TBL1X: variants seen among roughly 807,000 people sequenced by gnomAD.
TBL1X encodes transducin beta like 1 X-linked.
Under a neutral mutation model 50.7 loss-of-function variants are expected in TBL1X, and 10 were observed. That is an observed-to-expected ratio of 0.20 (90% CI 0.12 to 0.33). The LOEUF is 0.33. Ranked by LOEUF, TBL1X falls within the 10% of genes least tolerant of loss-of-function variation. The pLI is 1.00. For missense variants in TBL1X, 340 were observed against 504.4 expected (o/e 0.67, Z 3.12); for synonymous variants, 190 against 214.7 (o/e 0.88, Z 1.01).
intron 2 of TBL1X, among the ~76,000 whole-genome samples, chrX:9,559,636 TA>T (rs752270789): frequency 2.3e-4 from 26 of 111,647 alleles, no homozygotes; most frequent in Non-Finnish European, 4.1e-4. Flanking sequence ...TTTACTGGAA[TA>T]AAAAAAATTA....
rs895511776 is a variant in TBL1X at position 9,570,436 on chromosome X, A to T, written c.-131+68587A>T. Among the ~76,000 whole-genome samples the T allele has an allele frequency of 6.3e-5, 7 of 111,333 alleles. No homozygotes were observed. In the Admixed American group the frequency reaches 6.7e-4, roughly 11 times the overall value. ...TGAAAATCCAGTGAATTTCTTTATG[A>T]TGGAATTTGAATCACGTGGACATTC... On this transcript the variant is annotated intron_variant, in intron 2 of 17. Coordinates refer to ENST00000645353, the MANE Select transcript of TBL1X (RefSeq NM_005647.4).
chrX:9,689,336 G>A (rs749598461), intron 7 of TBL1X, among the ~76,000 whole-genome samples: 14 of 112,360 alleles, frequency 1.2e-4, no homozygotes, highest in African/African-American at 4.5e-4. Flanking sequence ...CCTGTGACAA[G>A]TTACCATCCA....
intron 5 of TBL1X, among the ~76,000 whole-genome samples, chrX:9,664,491 G>A (rs1423532407): frequency 1.8e-5 from 2 of 111,028 alleles, no homozygotes; most frequent in African/African-American, 6.6e-5. Context: ...GAAGCAAACA[G>A]CATTTGTCAT....
At chrX:9,589,521 G>A (rs1454072557) in intron 2 of TBL1X, among the ~76,000 whole-genome samples, 1 of 111,312 alleles carries the variant, frequency 9.0e-6, no homozygotes, top group African/African-American at 3.3e-5. Flanking sequence ...CCTTCCGATC[G>A]GAGTTTGCTG....
Position 9,693,095 on chromosome X carries a change from G to T in TBL1X, c.892-54G>T, listed in dbSNP as rs1165467057. The T allele has an allele frequency of 2.5e-6, 3 of 1,188,244 alleles. No homozygotes were observed. The South Asian group carries it at 5.3e-5, about 21-fold the overall frequency. ...CGGAGAGGCTCTCCGAGCTGCTTCG[G>T]TGCTGCCGCTCCTAAGTTGTTTTTG... is the stretch of plus-strand genomic sequence containing the variant. On this transcript the variant is annotated intron_variant, in intron 9 of 17. Transcript: ENST00000645353.
At chrX:9,698,364 T>C (rs748740926) in intron 12 of TBL1X, among the ~76,000 whole-genome samples, 12 of 111,234 alleles carry the variant, frequency 1.1e-4, no homozygotes, top group Non-Finnish European at 2.3e-4. Flanking sequence ...GGACTCAACA[T>C]ACTCACAGCT....
chrX:9,673,130 T>TG (rs1162873016), intron 5 of TBL1X, among the ~76,000 whole-genome samples: 2 of 112,513 alleles, frequency 1.8e-5, no homozygotes, highest in Non-Finnish European at 3.8e-5. Context: ...GCCATCCCCT[T>TG]GGGGGTTAGA....
At chrX:9,466,017 C>G (rs1237292361) in intron 1 of TBL1X, among the ~76,000 whole-genome samples, 5 of 113,096 alleles carry the variant, frequency 4.4e-5, no homozygotes, top group Non-Finnish European at 9.4e-5. Flanking sequence ...CAGTTTCTGA[C>G]GCGCAGAAAC....
chrX:9,519,313 C>T (rs1242779764), intron 2 of TBL1X, among the ~76,000 whole-genome samples: 1 of 111,286 alleles, frequency 9.0e-6, no homozygotes, highest in East Asian at 2.8e-4. Flanking sequence ...GTGGTGCAGT[C>T]GTAGCTCACT....
intron 2 of TBL1X, among the ~76,000 whole-genome samples, chrX:9,629,344 G>A (rs1324885015): frequency 8.9e-6 from 1 of 112,398 alleles, no homozygotes; most frequent in Non-Finnish European, 1.9e-5. Flanking sequence ...TACGATGGCT[G>A]CAAAGTCCAA....
chrX:9,672,068 A>C (rs2082963387), intron 5 of TBL1X, among the ~76,000 whole-genome samples: 1 of 112,711 alleles, frequency 8.9e-6, no homozygotes, highest in Admixed American at 9.3e-5. Context: ...GAGTATTTAT[A>C]AATTACAGTT....
rs1348646781 is a variant in TBL1X at position 9,660,969 on chromosome X, A to G, written c.211+6647A>G. Among the ~76,000 whole-genome samples, 3 of 112,176 alleles carry G rather than the reference A, an allele frequency of 2.7e-5. No homozygotes were observed. In the East Asian group the frequency reaches 8.5e-4, roughly 32 times the overall value. On this transcript the variant is annotated intron_variant, in intron 5 of 17. Transcript: ENST00000645353. The stretch of plus-strand genomic sequence containing the variant: ...GGAGAGCTCCTTTGCCCCTTCTACC[A>G]TGTGGGAACACGGTGAGAAGGCACC...
At position 9,719,182 on chromosome X, in the gene TBL1X, C is replaced by T. The variant is rs138514424; in HGVS notation, c.*2936C>T. The T allele has an allele frequency of 1.3e-4, 15 of 112,082 alleles. No individual in the cohort carries two copies. Among genetic ancestry groups the T allele is most frequent in the African/African-American group, 4.5e-4 (14 of 30,810 alleles). 9.2% of individuals were successfully genotyped at this position (112,082 alleles called of 1,213,427 possible). A position where few individuals can be genotyped will look rare whatever the true frequency, so the allele number is the denominator to read the frequency against. On this transcript the variant is annotated 3_prime_UTR_variant, in exon 18 of 18. Transcript: ENST00000645353. ...AGTGTTTGGTCGGGTTCACAGTGAC[C>T]GAGAGTCAGGTCCAGCACACACCTG...
At chrX:9,564,237 C>T (rs191212049) in intron 2 of TBL1X, among the ~76,000 whole-genome samples, 137 of 110,924 alleles carry the variant, frequency 1.2e-3, no homozygotes, top group African/African-American at 4.4e-3. Flanking sequence ...CTGGCCAACA[C>T]GGTGAAACCT....
At chrX:9,692,292 TA>T in intron 9 of TBL1X, 38 bp downstream of exon 9, 2 of 1,146,193 alleles carry the variant, frequency 1.7e-6, no homozygotes, top group Non-Finnish European at 2.3e-6. Context: ...TTGAAATTGG[TA>T]AAATCGGCCA....
intron 2 of TBL1X, among the ~76,000 whole-genome samples, chrX:9,526,438 G>C (rs1294976651): frequency 8.9e-6 from 1 of 112,043 alleles, no homozygotes; most frequent in African/African-American, 3.2e-5. Context: ...AGTTGAGAGA[G>C]ATGTTGATGA....
Position 9,501,819 on chromosome X carries a change from G to C in TBL1X, c.-161G>C, listed in dbSNP as rs765722107. 6.3e-5 allele frequency: 7 copies of C among 111,144 alleles called. No homozygotes were observed. The highest frequency in any genetic ancestry group is 1.3e-4 in the Non-Finnish European group (7 of 52,927). The allele number at this position is 111,144 out of a possible 1,213,427, so 9.2% of individuals were successfully genotyped here. On this transcript the variant is annotated 5_prime_UTR_variant, in exon 2 of 18. The change abolishes an upstream ATG in the 5' untranslated region. Transcript: ENST00000645353. ...GGAAGAAAATCATACCATATCAGAT[G>C]CCTCGCAGAGCACCAGGCCCACCGT... is the stretch of plus-strand genomic sequence containing the variant.
intron 3 of TBL1X, among the ~76,000 whole-genome samples, chrX:9,647,655 C>G (rs778968065): frequency 1.7e-4 from 19 of 112,013 alleles, no homozygotes; most frequent in Non-Finnish European, 3.8e-5. Context: ...GGATGCTGTT[C>G]GGGAAACCGG....
chrX:9,543,449 C>T (rs751044029), intron 2 of TBL1X, among the ~76,000 whole-genome samples: 1 of 110,761 alleles, frequency 9.0e-6, no homozygotes, highest in South Asian at 3.9e-4. Flanking sequence ...TTGGCTTCTT[C>T]CCCCGCCCCT....
Sources: allele counts gnomAD v4.1 joint callset (sites outside exome capture counted in the v4.1 genomes callset), GRCh38; gene constraint gnomAD v4.1.1; transcripts MANE v1.5; gene names NCBI Gene and HGNC (gene_info 2026-07-23, HGNC 2026-07-21).